The following PDS5B variants were observed in gnomAD, a reference collection of about 807,000 sequenced individuals.
The protein encoded by PDS5B is PDS5 cohesin associated factor B.
In PDS5B, 51 loss-of-function variants were observed where a neutral mutation model predicts 184.1. That is an observed-to-expected ratio of 0.28 (90% CI 0.22 to 0.35). The LOEUF (loss-of-function observed/expected upper bound fraction) is 0.35. Among genes scored for constraint, PDS5B ranks in the 10% least tolerant of loss-of-function variants. PDS5B has a pLI of 1.00. For synonymous variants in PDS5B, 566 were observed against 569.2 expected, an observed-to-expected ratio of 0.99 and a Z score of 0.08; for missense variants, 1,180 against 1,723.3, an observed-to-expected ratio of 0.68 and a Z score of 5.58.
intron 24 of PDS5B, among the ~76,000 whole-genome samples, chr13:32,747,989 A>C (rs1309579636): frequency 1.3e-5 from 2 of 152,244 alleles, no homozygotes; most frequent in African/African-American, 4.8e-5. Context: ...TATTTGTTAT[A>C]CATTGCCACC....
In PDS5B at chr13:32,696,791, A is replaced by G. The variant is rs1177009090; in HGVS notation, c.1552-63A>G. 3 of 1,137,252 alleles carry G rather than the reference A, an allele frequency of 2.6e-6. No individual in the cohort carries two copies. The African/African-American group carries it at 4.6e-5, about 18-fold the overall frequency. The allele number at this position is 1,137,252 out of a possible 1,614,324, so 70.4% of individuals were successfully genotyped here. The stretch of plus-strand genomic sequence containing the variant: ...GGGTTATGCTTGTCTAATTTTTTGC[A>G]GAGTATGATGAAGTTTTCTTGTTAG... On this transcript the variant is annotated intron_variant, in intron 14 of 34. Coordinates refer to ENST00000315596, the MANE Select transcript of PDS5B (RefSeq NM_015032.4).
intron 31 of PDS5B, among the ~76,000 whole-genome samples, chr13:32,768,947 CAAAAAA>C (rs770324221): frequency 1.2e-5 from 1 of 84,534 alleles, no homozygotes; most frequent in Non-Finnish European, 2.3e-5. Context: ...TAAAAAAATA[CAAAAAA>C]AAAAAAAAAA....
intron 10 of PDS5B, among the ~76,000 whole-genome samples, chr13:32,682,240 T>A (rs1181481595): frequency 6.6e-6 from 1 of 152,194 alleles, no homozygotes; most frequent in East Asian, 1.9e-4. Context: ...TTCAGTTTGA[T>A]GTTTGAAGAG....
At chr13:32,748,141 A>T (rs1162975589) in intron 24 of PDS5B, among the ~76,000 whole-genome samples, 2 of 152,178 alleles carry the variant, frequency 1.3e-5, no homozygotes, top group African/African-American at 4.8e-5. Context: ...ATATCAAATT[A>T]CCCTATTTTA....
intron 17 of PDS5B, among the ~76,000 whole-genome samples, chr13:32,706,279 A>AAAATAAATAAATAAAT (rs60222106): frequency 1.4e-5 from 2 of 144,904 alleles, no homozygotes; most frequent in Non-Finnish European, 3.0e-5. Flanking sequence ...CTTCGTCTCA[A>AAAATAAATAAATAAAT]AAATAAATAA....
intron 19 of PDS5B, among the ~76,000 whole-genome samples, chr13:32,720,252 T>C (rs752867384): frequency 6.2e-4 from 95 of 152,042 alleles, no homozygotes; most frequent in Admixed American, 1.0e-3. Flanking sequence ...AATACAAATA[T>C]AAGCAATTAT....
intron 8 of PDS5B, among the ~76,000 whole-genome samples, chr13:32,674,288 G>A (rs1235591468): frequency 6.6e-6 from 1 of 152,038 alleles, no homozygotes; most frequent in Non-Finnish European, 1.5e-5. Context: ...TGATGTTTGT[G>A]TCTAAAATTT....
intron 17 of PDS5B, among the ~76,000 whole-genome samples, chr13:32,705,733 G>A (rs1951991220): frequency 6.6e-6 from 1 of 152,166 alleles, no homozygotes; most frequent in Non-Finnish European, 1.5e-5. Flanking sequence ...AGGCTGGAGT[G>A]CAGTGGTGCA....
chr13:32,590,089 TA>T (rs1192759009), intron 1 of PDS5B, among the ~76,000 whole-genome samples: 1 of 152,226 alleles, frequency 6.6e-6, no homozygotes, highest in Non-Finnish European at 1.5e-5. Context: ...CTTTGAGGTT[TA>T]AAAAGTATAA....
rs544289642 is a variant in PDS5B at position 32,685,974 on chromosome 13, T to G, written c.1204-1160T>G. On this transcript the variant is annotated intron_variant, in intron 11 of 34. Coordinates refer to ENST00000315596, the MANE Select transcript of PDS5B (RefSeq NM_015032.4). ...ATAAGACCTGTAGAAGTCTTTTATT[T>G]CAATATGTAGTTGGTGGATGAATGA... Among the ~76,000 whole-genome samples the G allele has an allele frequency of 4.6e-5, 7 of 152,326 alleles. No homozygotes were observed. In the South Asian group the frequency reaches 1.5e-3, roughly 32 times the overall value.
intron 26 of PDS5B, among the ~76,000 whole-genome samples, chr13:32,757,210 C>T (rs1390519895): frequency 6.6e-6 from 1 of 151,966 alleles, no homozygotes; most frequent in Admixed American, 6.6e-5. Flanking sequence ...CTAGCCACTT[C>T]TTTCTGAGAA....
At chr13:32,722,339 T>G (rs1952746254) in intron 19 of PDS5B, among the ~76,000 whole-genome samples, 1 of 152,188 alleles carries the variant, frequency 6.6e-6, no homozygotes, top group African/African-American at 2.4e-5. Context: ...AGGGAGACCG[T>G]GGAAAGCGGG....
At chr13:32,696,686 GT>G (rs1483088689) in intron 14 of PDS5B, among the ~76,000 whole-genome samples, 167 bp from the exon 15 acceptor site, 6 of 152,138 alleles carry the variant, frequency 3.9e-5, no homozygotes, top group Non-Finnish European at 7.4e-5. Flanking sequence ...TCTACCTCCT[GT>G]CCAGTTTATC....
chr13:32,734,015 A>ACACACACACACAC (rs1555312887), intron 20 of PDS5B, among the ~76,000 whole-genome samples: 96 of 58,142 alleles, frequency 1.7e-3, no homozygotes, highest in African/African-American at 0.01. Context: ...CACACACACA[A>ACACACACACACAC]ACATATATTT....
chr13:32,745,549 C>T (rs1466306394), intron 23 of PDS5B, among the ~76,000 whole-genome samples: 2 of 152,104 alleles, frequency 1.3e-5, no homozygotes, highest in African/African-American at 4.8e-5. Context: ...TAATAAAATA[C>T]CAGGCTTATA....
chr13:32,658,453 C>A lies in PDS5B; in HGVS notation c.419C>A (p.Ser140Ter). Reference sequence around the variant, plus strand: ...TTTTAGAACATTGCTTGGGTCAAGTCATATAACATATGCTTTGAGTTAGAA... The same window carrying A: ...TTTTAGAACATTGCTTGGGTCAAGTAATATAACATATGCTTTGAGTTAGAA... ...YLLENIAWVK[S>*]YNICFELEDS... The change falls in exon 5 of 35, where the codon TCA becomes TAA. Residue 140 changes from serine to a stop codon, truncating the protein, a stop_gained. Transcript: ENST00000315596. LOFTEE classifies it high-confidence loss of function. 1 of 1,581,982 alleles carries A rather than the reference C, an allele frequency of 6.3e-7. No individual in the cohort carries two copies. Among genetic ancestry groups the A allele is most frequent in the South Asian group, 1.1e-5 (1 of 88,504 alleles).
At chr13:32,635,215 T>G (rs1452810673) in intron 1 of PDS5B, among the ~76,000 whole-genome samples, 1 of 87,844 alleles carries the variant, frequency 1.1e-5, no homozygotes, top group East Asian at 3.4e-4. Context: ...TTTTTTTTTT[T>G]GTGGAGATGG....
chr13:32,661,385 CAAAAA>C (rs747985772), intron 6 of PDS5B, among the ~76,000 whole-genome samples: 7 of 32,014 alleles, frequency 2.2e-4, no homozygotes, highest in Non-Finnish European at 3.4e-4. Context: ...GACTCTGTCT[CAAAAA>C]AAAAAAAAAA....
At chr13:32,677,031 A>C (rs1484192937) in intron 9 of PDS5B, among the ~76,000 whole-genome samples, 1 of 151,340 alleles carries the variant, frequency 6.6e-6, no homozygotes, top group Non-Finnish European at 1.5e-5. Context: ...TTACATTTTA[A>C]TGAAAACTGT....
Sources: allele counts gnomAD v4.1 joint callset (sites outside exome capture counted in the v4.1 genomes callset), GRCh38; gene constraint gnomAD v4.1.1; transcripts MANE v1.5; gene names NCBI Gene and HGNC (gene_info 2026-07-23, HGNC 2026-07-21).